The following SLC26A8 variants were observed in gnomAD, a reference collection of about 807,000 sequenced individuals.
SLC26A8 encodes the protein solute carrier family 26 member 8, also known as testis anion transporter 1.
In SLC26A8, 70 loss-of-function variants were observed where a neutral mutation model predicts 105.0. The ratio of observed to expected loss-of-function variants is 0.67; its 90% CI spans 0.55 to 0.81. The LOEUF (loss-of-function observed/expected upper bound fraction) is 0.81. Among genes scored for constraint, SLC26A8 ranks in the 40% least tolerant of loss-of-function variants. SLC26A8 has a pLI of 0.00. For missense variants in SLC26A8, 998 were observed against 1,181.8 expected, an observed-to-expected ratio of 0.84 and a Z score of 2.28; for synonymous variants, 415 against 438.3, an observed-to-expected ratio of 0.95 and a Z score of 0.66.
intron 16 of SLC26A8, among the ~76,000 whole-genome samples, chr6:35,957,976 T>C (rs1772150387): frequency 6.6e-6 from 1 of 152,168 alleles, no homozygotes; most frequent in East Asian, 1.9e-4. Flanking sequence ...CCTCATGTGT[T>C]ATCTGCCTGA....
At chr6:36,013,564 G>T (rs903114470) in intron 2 of SLC26A8, among the ~76,000 whole-genome samples, 1 of 152,184 alleles carries the variant, frequency 6.6e-6, no homozygotes. Flanking sequence ...CCACAAGAAA[G>T]AATTTTCTGG....
intron 3 of SLC26A8, among the ~76,000 whole-genome samples, chr6:36,001,376 C>A (rs906357519): frequency 1.3e-5 from 2 of 152,208 alleles, no homozygotes; most frequent in African/African-American, 4.8e-5. Context: ...GATCCACCCG[C>A]CTCGGCCTCC....
At chr6:35,965,682 C>CAAAAAAAA (rs1293607391) in intron 11 of SLC26A8, among the ~76,000 whole-genome samples, 1 of 68,942 alleles carries the variant, frequency 1.5e-5, no homozygotes, top group Non-Finnish European at 2.9e-5. Flanking sequence ...AACTCCATCT[C>CAAAAAAAA]AAAAAAAAAA....
intron 11 of SLC26A8, among the ~76,000 whole-genome samples, chr6:35,968,265 C>A (rs1209459614): frequency 1.3e-5 from 2 of 152,134 alleles, no homozygotes; most frequent in South Asian, 2.1e-4. Context: ...CTGCCTCAGC[C>A]CCCAGAGTAG....
rs748713670 is a variant in SLC26A8, at chr6:35,955,362, C to G, written c.2022G>C (p.Gly674=). The change falls in exon 17 of 20, where the codon GGG becomes GGC. Residue 674 remains glycine, a synonymous_variant. Transcript: ENST00000490799. ...CTTCCTCCACCTCCTCATACTGTTGCCCTTGATTTTTCTGAGACACGGACG... is the reference window on the plus strand; with the variant it reads ...CTTCCTCCACCTCCTCATACTGTTGGCCTTGATTTTTCTGAGACACGGACG... ...TVSSVSQKNQ[G]QQYEEVEEVW... 1.2e-6 allele frequency: 2 copies of G among 1,614,174 alleles called. No individual in the cohort carries two copies. Among genetic ancestry groups the G allele is most frequent in the Non-Finnish European group, 1.7e-6 (2 of 1,180,038 alleles).
intron 9 of SLC26A8, among the ~76,000 whole-genome samples, chr6:35,976,290 G>A (rs1350557919): frequency 6.6e-6 from 1 of 151,736 alleles, no homozygotes; most frequent in Non-Finnish European, 1.5e-5. Flanking sequence ...TGGGCATGGT[G>A]GTGAGCATCT....
At chr6:35,947,240 A>G (rs375916741) in intron 19 of SLC26A8, among the ~76,000 whole-genome samples, 3 of 151,998 alleles carry the variant, frequency 2.0e-5, no homozygotes, top group Admixed American at 6.6e-5. Flanking sequence ...CATGTTGGCC[A>G]GGCTGGTCTC....
chr6:36,019,452 C>A, intron 2 of SLC26A8, 68 bp downstream of exon 2: 1 of 1,477,474 alleles, frequency 6.8e-7, no homozygotes, highest in Non-Finnish European at 9.1e-7. Flanking sequence ...GAAACGGACC[C>A]CAAAGGAGTC....
intron 5 of SLC26A8, among the ~76,000 whole-genome samples, chr6:35,997,292 C>T (rs912885926): frequency 6.6e-6 from 1 of 152,094 alleles, no homozygotes; most frequent in Non-Finnish European, 1.5e-5. Context: ...ACTGCACATG[C>T]GAGGAATCTA....
At chr6:36,021,910 C>T (rs1273399543) in intron 1 of SLC26A8, among the ~76,000 whole-genome samples, 4 of 152,038 alleles carry the variant, frequency 2.6e-5, no homozygotes, top group South Asian at 2.1e-4. Flanking sequence ...ACCTCGTGAT[C>T]TGCCTCCCTC....
Position 35,943,689 on chromosome 6 carries a change from G to C in SLC26A8, c.*211C>G. On this transcript the variant is annotated 3_prime_UTR_variant, in exon 20 of 20. Coordinates refer to ENST00000490799, the MANE Select transcript of SLC26A8 (RefSeq NM_052961.4). ...GGTGAAATGAGGGGAGCCTGGATAG[G>C]GAATTCAGAGATAATTGTTGGCATT... The C allele has an allele frequency of 1.6e-6, 1 of 643,774 alleles. No individual in the cohort carries two copies. The highest frequency in any genetic ancestry group is 2.4e-5 in the South Asian group (1 of 41,072). The allele number at this position is 643,774 out of a possible 1,614,324, so 39.9% of individuals were successfully genotyped here. A position where few individuals can be genotyped will look rare whatever the true frequency, so the allele number is the denominator to read the frequency against.
chr6:35,997,606 T>C, intron 5 of SLC26A8, 132 bp downstream of exon 5: 1 of 924,026 alleles, frequency 1.1e-6, no homozygotes, highest in Non-Finnish European at 1.6e-6. Context: ...ACACAGCCTC[T>C]GATTTTTCAA....
rs1398607889 is a variant in SLC26A8, at chr6:35,959,502, G to A, written c.1821C>T (p.Cys607=). Residue 607 remains cysteine (C), a synonymous_variant, in exon 16 of 20, where the codon TGC becomes TGT. Coordinates refer to ENST00000490799, the MANE Select transcript of SLC26A8 (RefSeq NM_052961.4). ...SDTNLQGGKI[C]RCFCNCDDLE... ...GATCATCACAGTTGCAGAAACACCT[G>A]CAAATCTTTCCTCCTTGTAGATTGG... 2.5e-6 allele frequency: 4 copies of A among 1,613,780 alleles called. No individual in the cohort carries two copies. The highest frequency in any genetic ancestry group is 1.7e-5 in the Admixed American group (1 of 59,916).
Position 35,971,749 on chromosome 6 carries a change from G to A in SLC26A8, c.1288-2795C>T, listed in dbSNP as rs560102163. 2.3e-4 allele frequency among the ~76,000 whole-genome samples: 35 copies of A among 152,218 alleles called. 1 individual carries two copies. Among genetic ancestry groups the A allele is most frequent in the African/African-American group, 5.1e-4 (21 of 41,530 alleles). ...ACTCCAAAATCCAGGCTCTCTCCAC[G>A]GCCCCATTGACTTCCTCTAAAAAGA... On this transcript the variant is annotated intron_variant, in intron 10 of 19. Coordinates refer to ENST00000490799, the MANE Select transcript of SLC26A8 (RefSeq NM_052961.4).
At chr6:35,957,998 A>T (rs1322584722) in intron 16 of SLC26A8, among the ~76,000 whole-genome samples, 1 of 151,762 alleles carries the variant, frequency 6.6e-6, no homozygotes, top group Non-Finnish European at 1.5e-5. Flanking sequence ...CTTACTTCCC[A>T]GGCTAAGCCT....
intron 4 of SLC26A8, among the ~76,000 whole-genome samples, chr6:35,998,298 G>A (rs1020557384): frequency 1.3e-5 from 2 of 152,160 alleles, no homozygotes; most frequent in African/African-American, 2.4e-5. Context: ...GCTCACGCCT[G>A]TAATCCTAGC....
Position 35,968,969 on chromosome 6 carries a change from C to A in SLC26A8, c.1288-15G>T, listed in dbSNP as rs376872300. 1.3e-3 allele frequency: 2,158 copies of A among 1,609,612 alleles called. 50 individuals are homozygous for A. The South Asian group carries it at 0.022, about 16-fold the overall frequency. On this transcript the variant is annotated splice_polypyrimidine_tract_variant and intron_variant, in intron 10 of 19. Transcript: ENST00000490799. ...AGAGATGCAAACTGAGGAGACAGAG[C>A]CAGTTGGAGAGAAACCATCAGGAAC...
intron 8 of SLC26A8, among the ~76,000 whole-genome samples, chr6:35,977,642 TC>T (rs1402859918): frequency 6.6e-6 from 1 of 152,190 alleles, no homozygotes; most frequent in Non-Finnish European, 1.5e-5. Flanking sequence ...AAAAATGGTT[TC>T]TTGATACTGT....
At chr6:35,954,664 G>A (rs1771988630) in intron 17 of SLC26A8, among the ~76,000 whole-genome samples, 1 of 152,160 alleles carries the variant, frequency 6.6e-6, no homozygotes, top group Non-Finnish European at 1.5e-5. Flanking sequence ...TTCATTTTAG[G>A]CTGGGCATGG....
Sources: allele counts gnomAD v4.1 joint callset (sites outside exome capture counted in the v4.1 genomes callset), GRCh38; gene constraint gnomAD v4.1.1; transcripts MANE v1.5; gene names NCBI Gene and HGNC (gene_info 2026-07-23, HGNC 2026-07-21).